The following TENM2 variants were observed in gnomAD, a reference collection of about 807,000 sequenced individuals.
TENM2 encodes teneurin-2.
Under a neutral mutation model 245.2 loss-of-function variants are expected in TENM2, and 52 were observed. The ratio of observed to expected loss-of-function variants is 0.21; its 90% CI spans 0.17 to 0.27. The LOEUF is 0.27. Among genes scored for constraint, TENM2 ranks in the 10% least tolerant of loss-of-function variants. TENM2 has a pLI of 1.00. For synonymous variants in TENM2, 1,363 were observed against 1,438.9 expected (o/e 0.95, Z 1.19); for missense variants, 3,046 against 3,666.8 (o/e 0.83, Z 4.37).
intron 10 of TENM2, among the ~76,000 whole-genome samples, chr5:168,119,700 C>G (rs1452392376): frequency 2.0e-5 from 3 of 152,158 alleles, no homozygotes; most frequent in Non-Finnish European, 4.4e-5. Context: ...TTCTCTAAGT[C>G]CATCTCCCAG....
rs1344979213 is a variant in TENM2, at chr5:167,912,047, T to C, written c.712+35852T>C. 2.0e-5 allele frequency among the ~76,000 whole-genome samples: 3 copies of C among 152,214 alleles called. No homozygotes were observed. In the South Asian group the frequency reaches 6.2e-4, roughly 32 times the overall value. On this transcript the variant is annotated intron_variant, in intron 3 of 28. Transcript: ENST00000518659. ...ATCTACTCATAGCAATTTTCAAGTA[T>C]ATAATACTTTGTTATTAACTATAAT...
At chr5:167,133,519 A>T in the TENM2 span, among the ~76,000 whole-genome samples, 1 of 151,798 alleles carries the variant, frequency 6.6e-6, no homozygotes, top group East Asian at 1.9e-4. Flanking sequence ...AGTTAGGCAG[A>T]TAGAAAAGGT....
intron 2 of TENM2, among the ~76,000 whole-genome samples, chr5:167,783,473 AC>A (rs1764347248): frequency 6.6e-6 from 1 of 152,180 alleles, no homozygotes; most frequent in Non-Finnish European, 1.5e-5. Context: ...CCCCAGTTTA[AC>A]AAGCCCTCTA....
At chr5:167,741,817 T>C (rs1454394974) in intron 2 of TENM2, among the ~76,000 whole-genome samples, 2 of 152,186 alleles carry the variant, frequency 1.3e-5, no homozygotes. Context: ...AAAGGAGCTG[T>C]GCCACTTTTT....
the TENM2 span, among the ~76,000 whole-genome samples, chr5:167,117,853 C>A: frequency 1.5e-5 from 2 of 130,948 alleles, no homozygotes; most frequent in Non-Finnish European, 1.6e-5. Context: ...GAATACATGT[C>A]CAAAACTGTC....
chr5:167,945,283 T>G (rs1177641771), intron 3 of TENM2, among the ~76,000 whole-genome samples: 2 of 151,908 alleles, frequency 1.3e-5, no homozygotes, highest in South Asian at 4.2e-4. Context: ...GTGCTGAGCG[T>G]TACAAAAGAA....
chr5:167,084,327 T>TTATA, the TENM2 span, among the ~76,000 whole-genome samples: 1,095 of 23,058 alleles, frequency 0.047, 179 homozygotes, highest in South Asian at 0.12. Context: ...GCCATTTTAG[T>TTATA]TATATATATA....
chr5:167,068,198 C>T, the TENM2 span, among the ~76,000 whole-genome samples: 2 of 152,158 alleles, frequency 1.3e-5, no homozygotes, highest in Non-Finnish European at 2.9e-5. Flanking sequence ...TAGTAGATGG[C>T]AAAATTGCAG....
chr5:167,431,974 T>TATATACACATATATATAC (rs1207757851), intron 2 of TENM2, among the ~76,000 whole-genome samples: 1 of 143,264 alleles, frequency 7.0e-6, no homozygotes, highest in Non-Finnish European at 1.5e-5. Flanking sequence ...TATATATATA[T>TATATACACATATATATAC]ATATGGAAGT....
chr5:168,183,082 G>A (rs1187764820), intron 13 of TENM2, among the ~76,000 whole-genome samples: 3 of 151,936 alleles, frequency 2.0e-5, no homozygotes, highest in South Asian at 2.1e-4. Context: ...CACCCGCCTC[G>A]GCTTCTCAAA....
chr5:167,580,896 C>T (rs1208490365), intron 2 of TENM2, among the ~76,000 whole-genome samples: 1 of 152,090 alleles, frequency 6.6e-6, no homozygotes, highest in African/African-American at 2.4e-5. Flanking sequence ...GGCTGAGGCA[C>T]CAGAATTGCT....
intron 2 of TENM2, among the ~76,000 whole-genome samples, chr5:167,616,049 G>A (rs973314430): frequency 2.0e-5 from 3 of 152,066 alleles, no homozygotes; most frequent in Non-Finnish European, 4.4e-5. Flanking sequence ...GTTTGTTTTG[G>A]TGCCCATTTG....
chr5:167,511,305 A>G (rs913600199), intron 2 of TENM2, among the ~76,000 whole-genome samples: 2 of 152,126 alleles, frequency 1.3e-5, no homozygotes, highest in African/African-American at 4.8e-5. Flanking sequence ...GGGTAAGAAA[A>G]AATTTCACTG....
chr5:166,984,692 G>A, the TENM2 span, among the ~76,000 whole-genome samples: 1 of 152,036 alleles, frequency 6.6e-6, no homozygotes, highest in Non-Finnish European at 1.5e-5. Context: ...AACCATGATA[G>A]AAGATAGCTA....
chr5:168,031,342 G>A (rs1344879716), intron 5 of TENM2, among the ~76,000 whole-genome samples: 2 of 152,142 alleles, frequency 1.3e-5, no homozygotes, highest in Non-Finnish European at 2.9e-5. Flanking sequence ...AATTCAAAAG[G>A]CAAGCCATCT....
chr5:167,906,524 A>T (rs1239628483), intron 3 of TENM2, among the ~76,000 whole-genome samples: 2 of 152,044 alleles, frequency 1.3e-5, no homozygotes, highest in Admixed American at 6.6e-5. Context: ...TGACAAAACT[A>T]CTCAAGGTCA....
At chr5:168,154,222 C>CT (rs201595854) in intron 12 of TENM2, among the ~76,000 whole-genome samples, 21 of 146,056 alleles carry the variant, frequency 1.4e-4, no homozygotes, top group East Asian at 4.2e-4. Context: ...TTCCTTTCTC[C>CT]TTTTTTTTGA....
At chr5:168,166,571 T>G (rs925061711) in intron 13 of TENM2, among the ~76,000 whole-genome samples, 2 of 152,176 alleles carry the variant, frequency 1.3e-5, no homozygotes, top group Non-Finnish European at 2.9e-5. Flanking sequence ...TGCTAAGCCC[T>G]ATTCCTAGAG....
intron 2 of TENM2, among the ~76,000 whole-genome samples, chr5:167,520,580 C>A (rs2127581173): frequency 6.6e-6 from 1 of 152,112 alleles, no homozygotes; most frequent in African/African-American, 2.4e-5. Flanking sequence ...TGGATATGGG[C>A]AGACTTGTTT....
Sources: gnomAD v4.1 joint callset for allele counts (sites outside exome capture counted in the v4.1 genomes callset) on GRCh38, gnomAD v4.1.1 for gene constraint, MANE v1.5 for transcripts, NCBI Gene and HGNC (gene_info 2026-07-23, HGNC 2026-07-21) for gene names.